CNTNAP2: variants seen among roughly 807,000 people sequenced by gnomAD.
CNTNAP2 encodes the protein contactin associated protein 2.
A neutral mutation model predicts 155.2 loss-of-function variants in CNTNAP2; 98 were observed. The ratio of observed to expected loss-of-function variants is 0.63; its 90% CI spans 0.54 to 0.75. The LOEUF is 0.75. CNTNAP2 is among the 30% of genes least tolerant of loss of function. The pLI, the probability that CNTNAP2 is intolerant of heterozygous loss-of-function variation, is 0.00. For synonymous variants in CNTNAP2, 651 were observed against 631.2 expected (o/e 1.03, Z -0.47); for missense variants, 1,727 against 1,688.1 (o/e 1.02, Z -0.40).
chr7:146,847,883 G>A (rs540806815), intron 3 of CNTNAP2, among the ~76,000 whole-genome samples: 8 of 152,250 alleles, frequency 5.3e-5, no homozygotes, highest in African/African-American at 1.4e-4. Flanking sequence ...GTGAAAATAT[G>A]ACTAGGATGT....
intron 3 of CNTNAP2, among the ~76,000 whole-genome samples, chr7:146,968,886 C>A (rs1797718649): frequency 6.9e-6 from 1 of 144,640 alleles, no homozygotes; most frequent in Admixed American, 6.9e-5. Context: ...TTTTCTAGTT[C>A]TTTTAATTGT....
intron 1 of CNTNAP2, among the ~76,000 whole-genome samples, chr7:146,687,748 A>G (rs1278319298): frequency 2.0e-5 from 3 of 152,228 alleles, no homozygotes; most frequent in East Asian, 1.9e-4. Flanking sequence ...TAAGGAGATG[A>G]CAATGCAACC....
chr7:146,859,498 A>G (rs1285276237), intron 3 of CNTNAP2, among the ~76,000 whole-genome samples: 1 of 152,086 alleles, frequency 6.6e-6, no homozygotes, highest in African/African-American at 2.4e-5. Flanking sequence ...CTCTCCTAAA[A>G]ATACAAAATT....
intron 1 of CNTNAP2, among the ~76,000 whole-genome samples, chr7:146,308,588 T>A (rs1239740746): frequency 6.6e-6 from 1 of 151,418 alleles, no homozygotes; most frequent in Non-Finnish European, 1.5e-5. Flanking sequence ...CAAACGTCCA[T>A]CAATGATAGA....
chr7:146,446,171 A>C (rs1488811550), intron 1 of CNTNAP2, among the ~76,000 whole-genome samples: 1 of 152,210 alleles, frequency 6.6e-6, no homozygotes, highest in East Asian at 1.9e-4. Context: ...ATAAATGTAA[A>C]GTGCTACTGC....
intron 1 of CNTNAP2, among the ~76,000 whole-genome samples, chr7:146,478,673 C>G (rs1796914914): frequency 6.6e-6 from 1 of 151,844 alleles, no homozygotes; most frequent in Non-Finnish European, 1.5e-5. Context: ...CCCCTCTTCC[C>G]CTCTACACAC....
rs192557600 is a variant in CNTNAP2 at position 146,869,360 on chromosome 7, G to A, written c.402+29456G>A. Among the ~76,000 whole-genome samples the A allele has an allele frequency of 6.8e-3, 1,031 of 152,094 alleles. 5 individuals carry two copies. Among genetic ancestry groups the A allele is most frequent in the Non-Finnish European group, 9.4e-3 (641 of 67,984 alleles). On this transcript the variant is annotated intron_variant, in intron 3 of 23. Transcript: ENST00000361727. ...CTATGTTGAAATAACCTTGCATCCCGGGCATGAAACCTACTTGATCATGGT... is the reference window on the plus strand; with the variant it reads ...CTATGTTGAAATAACCTTGCATCCCAGGCATGAAACCTACTTGATCATGGT...
Position 147,978,479 on chromosome 7 carries a change from C to T in CNTNAP2, c.2383+490C>T, listed in dbSNP as rs150522942. Among the ~76,000 whole-genome samples the T allele has an allele frequency of 2.4e-3, 372 of 152,208 alleles. 1 individual carries two copies. The highest frequency in any genetic ancestry group is 8.6e-3 in the African/African-American group (357 of 41,538). ...TTCATCATCATCAGAGCTTGATGGT[C>T]CCTTGTAAGCCAAAGATTGTTTCTG... On this transcript the variant is annotated intron_variant, in intron 15 of 23. Coordinates refer to ENST00000361727, the MANE Select transcript of CNTNAP2 (RefSeq NM_014141.6).
intron 17 of CNTNAP2, among the ~76,000 whole-genome samples, chr7:148,154,909 C>T (rs1805370002): frequency 1.3e-5 from 2 of 151,814 alleles, no homozygotes; most frequent in Admixed American, 1.3e-4. Flanking sequence ...TACACTCCAG[C>T]CTGGGTGACA....
At chr7:146,680,073 G>A (rs752850676) in intron 1 of CNTNAP2, among the ~76,000 whole-genome samples, 94 of 151,980 alleles carry the variant, frequency 6.2e-4, no homozygotes, top group African/African-American at 1.1e-3. Flanking sequence ...AAAATGTAGC[G>A]GATTTAATTG....
chr7:148,331,789 G>GTGGATGGATGGAA (rs1798029975), intron 21 of CNTNAP2, among the ~76,000 whole-genome samples: 1 of 19,854 alleles, frequency 5.0e-5, no homozygotes, highest in African/African-American at 1.7e-4. Context: ...GACAGATGGA[G>GTGGATGGATGGAA]TGGATGGATA....
chr7:146,625,869 T>C (rs149676835), intron 1 of CNTNAP2, among the ~76,000 whole-genome samples: 353 of 152,222 alleles, frequency 2.3e-3, no homozygotes, highest in Admixed American at 3.9e-3. Flanking sequence ...CAAGCTGGGA[T>C]GTTACCAGGA....
intron 9 of CNTNAP2, among the ~76,000 whole-genome samples, chr7:147,305,047 C>T (rs958692837): frequency 3.3e-4 from 50 of 152,110 alleles, no homozygotes; most frequent in African/African-American, 1.2e-3. Flanking sequence ...ATAGGGGCTC[C>T]ACCCTCATGA....
intron 1 of CNTNAP2, among the ~76,000 whole-genome samples, chr7:146,610,614 T>A (rs1476231901): frequency 6.6e-6 from 1 of 152,160 alleles, no homozygotes; most frequent in Non-Finnish European, 1.5e-5. Flanking sequence ...TAAATCCCAT[T>A]TTTGAGACAT....
chr7:146,445,710 A>G (rs1484809942), intron 1 of CNTNAP2, among the ~76,000 whole-genome samples: 1 of 152,156 alleles, frequency 6.6e-6, no homozygotes, highest in Non-Finnish European at 1.5e-5. Flanking sequence ...AATCTGTATC[A>G]AATAAAGATA....
At chr7:148,221,056 T>G (rs1009632178) in intron 19 of CNTNAP2, among the ~76,000 whole-genome samples, 3 of 152,126 alleles carry the variant, frequency 2.0e-5, no homozygotes, top group African/African-American at 7.2e-5. Flanking sequence ...TCCTCAACTG[T>G]ATTCGCTACC....
chr7:147,751,445 T>A (rs1327682918), intron 13 of CNTNAP2, among the ~76,000 whole-genome samples: 4 of 146,678 alleles, frequency 2.7e-5, no homozygotes, highest in Non-Finnish European at 6.0e-5. Flanking sequence ...GAATTTATGA[T>A]CTGGAAAGTT....
chr7:146,685,278 G>GA (rs1800576346), intron 1 of CNTNAP2, among the ~76,000 whole-genome samples: 1 of 152,090 alleles, frequency 6.6e-6, no homozygotes, highest in Non-Finnish European at 1.5e-5. Flanking sequence ...TTTTGTAAAA[G>GA]AACCAACAAT....
rs10263963 is a variant in CNTNAP2, at chr7:146,702,849, T to C, written c.98-71422T>C. Among the ~76,000 whole-genome samples the C allele has an allele frequency of 6.5e-3, 997 of 152,256 alleles. 9 individuals are homozygous for C. The highest frequency in any genetic ancestry group is 0.023 in the African/African-American group (955 of 41,570). Reference sequence around the variant, plus strand: ...GACCTTTAACATGTTAAAGATCATATATAAACAATACTGAAAACTGCAAAA... The same window carrying C: ...GACCTTTAACATGTTAAAGATCATACATAAACAATACTGAAAACTGCAAAA... On this transcript the variant is annotated intron_variant, in intron 1 of 23. Coordinates refer to ENST00000361727, the MANE Select transcript of CNTNAP2 (RefSeq NM_014141.6).
Sources: allele counts gnomAD v4.1 joint callset (sites outside exome capture counted in the v4.1 genomes callset), GRCh38; gene constraint gnomAD v4.1.1; transcripts MANE v1.5; gene names NCBI Gene and HGNC (gene_info 2026-07-23, HGNC 2026-07-21).